Variants in PLB1 observed in about 807,000 individuals in gnomAD.
The protein encoded by PLB1 is phospholipase B1, membrane-associated.
A neutral mutation model predicts 227.4 loss-of-function variants in PLB1; 242 were observed. That is an observed-to-expected ratio of 1.06 (90% CI 0.96 to 1.18). The LOEUF (loss-of-function observed/expected upper bound fraction) is 1.18. Among genes scored for constraint, PLB1 ranks in the 50% most tolerant of loss-of-function variants. PLB1 has a pLI of 0.00. For missense variants in PLB1, 1,858 were observed against 1,816.3 expected, an observed-to-expected ratio of 1.02 and a Z score of -0.42; for synonymous variants, 757 against 682.2, an observed-to-expected ratio of 1.11 and a Z score of -1.71.
At chr2:28,537,173 C>T (rs767567514) in intron 9 of PLB1, among the ~76,000 whole-genome samples, 2 of 152,112 alleles carry the variant, frequency 1.3e-5, no homozygotes, top group Admixed American at 6.5e-5. Context: ...GGTGAAGGGG[C>T]AGAGAAACAG....
chr2:28,587,796 C>T (rs749665483), intron 26 of PLB1, among the ~76,000 whole-genome samples: 2 of 152,164 alleles, frequency 1.3e-5, no homozygotes, highest in Non-Finnish European at 2.9e-5. Context: ...GCTGCAAGAG[C>T]GGTTAGGAAA....
intron 49 of PLB1, among the ~76,000 whole-genome samples, chr2:28,622,810 C>G (rs1371507749): frequency 1.3e-5 from 2 of 152,180 alleles, no homozygotes; most frequent in Non-Finnish European, 2.9e-5. Context: ...CACTTGAACC[C>G]AGGAAGTGGA....
At chr2:28,577,444 A>G (rs555693240) in intron 21 of PLB1, among the ~76,000 whole-genome samples, 33 of 152,364 alleles carry the variant, frequency 2.2e-4, no homozygotes, top group African/African-American at 7.7e-4. Context: ...TGGTGCCATG[A>G]CATGTGCATG....
rs1672948481 is a variant in PLB1 at position 28,544,501 on chromosome 2, GCCCTTGTACCCTC to G, written c.936+1235_936+1247del. ...GTACCACCATACCACCTTGTACCCT[GCCCTTGTACCCTC>G]CATGGTTCCAAGGGGGATACAAGAG... is the stretch of plus-strand genomic sequence containing the variant. On this transcript the variant is annotated intron_variant, in intron 14 of 57. Transcript: ENST00000327757. 2.0e-5 allele frequency among the ~76,000 whole-genome samples: 3 copies of G among 152,174 alleles called. No homozygotes were observed. In the South Asian group the frequency reaches 6.2e-4, roughly 31 times the overall value.
At position 28,525,898 on chromosome 2, in the gene PLB1, C is replaced by T. The variant is rs951997838; in HGVS notation, c.285-7C>T. 2 of 1,613,886 alleles carry T rather than the reference C, an allele frequency of 1.2e-6. No homozygotes were observed. The highest frequency in any genetic ancestry group is 1.3e-5 in the African/African-American group (1 of 74,916). Reference sequence around the variant, plus strand: ...CCTGACACTCACATGCCTGCTTCTACCTGCAGGACTGAAAGGCCACAGCAG... The same window carrying T: ...CCTGACACTCACATGCCTGCTTCTATCTGCAGGACTGAAAGGCCACAGCAG... On this transcript the variant is annotated splice_region_variant and splice_polypyrimidine_tract_variant and intron_variant, in intron 5 of 57. Coordinates refer to ENST00000327757, the MANE Select transcript of PLB1 (RefSeq NM_153021.5).
chr2:28,586,802 C>T (rs1246133260), intron 26 of PLB1, among the ~76,000 whole-genome samples: 3 of 152,186 alleles, frequency 2.0e-5, no homozygotes, highest in African/African-American at 7.2e-5. Context: ...GGCTGGAGTG[C>T]AGTGGCACAA....
intron 4 of PLB1, among the ~76,000 whole-genome samples, chr2:28,520,646 C>T (rs1669406524): frequency 6.6e-6 from 1 of 152,074 alleles, no homozygotes; most frequent in Admixed American, 6.5e-5. Context: ...ATTCTACTTT[C>T]CCTCTCTGTT....
chr2:28,570,069 T>C (rs1445722116), intron 20 of PLB1, among the ~76,000 whole-genome samples: 1 of 152,116 alleles, frequency 6.6e-6, no homozygotes, highest in Non-Finnish European at 1.5e-5. Context: ...AAGCCCAGAC[T>C]GTCTCTGACT....
In PLB1 at chr2:28,540,591, A is replaced by G. The variant is rs957355193; in HGVS notation, c.774+150A>G. 9 of 665,144 alleles carry G rather than the reference A, an allele frequency of 1.4e-5. No individual in the cohort carries two copies. In the African/African-American group the frequency reaches 1.6e-4, roughly 12 times the overall value. 41.2% of individuals were successfully genotyped at this position (665,144 alleles called of 1,614,324 possible). A position where few individuals can be genotyped will look rare whatever the true frequency, so the allele number is the denominator to read the frequency against. On this transcript the variant is annotated intron_variant, in intron 12 of 57. Coordinates refer to ENST00000327757, the MANE Select transcript of PLB1 (RefSeq NM_153021.5). Reference sequence around the variant, plus strand: ...GACTAAGTCAGGAGCAAAGAGAGCTACTCTTGCTTCACATCGTGGTAGTGA... The same window carrying G: ...GACTAAGTCAGGAGCAAAGAGAGCTGCTCTTGCTTCACATCGTGGTAGTGA...
At chr2:28,583,721 A>C (rs1466840563) in intron 25 of PLB1, among the ~76,000 whole-genome samples, 1 of 152,182 alleles carries the variant, frequency 6.6e-6, no homozygotes, top group Non-Finnish European at 1.5e-5. Flanking sequence ...GGATGCTCCA[A>C]CAACAGGTTC....
chr2:28,633,025 C>G lies in PLB1; in HGVS notation c.4084C>G (p.Leu1362Val). The G allele has an allele frequency of 6.2e-7, 1 of 1,612,600 alleles. No homozygotes were observed. Residue 1362 changes from leucine (L) to valine (V), a missense_variant, in exon 56 of 58, where the codon CTC becomes GTC. Coordinates refer to ENST00000327757, the MANE Select transcript of PLB1 (RefSeq NM_153021.5). ...DRGHAEMAIA[L>V]WNNMLEPVGR... Reference sequence around the variant, plus strand: ...CGGGCATGCCGAGATGGCCATCGCACTCTGGAACAACATGGTGAGCAGCCA... The same window carrying G: ...CGGGCATGCCGAGATGGCCATCGCAGTCTGGAACAACATGGTGAGCAGCCA...
intron 26 of PLB1, among the ~76,000 whole-genome samples, chr2:28,587,593 C>G (rs1032259442): frequency 6.8e-6 from 1 of 148,124 alleles, no homozygotes; most frequent in Non-Finnish European, 1.5e-5. Context: ...CTGGGTGACA[C>G]AGTGAGACTG....
rs999285387 is a variant in PLB1 at position 28,563,657 on chromosome 2, G to A, written c.1206+558G>A. Reference sequence around the variant, plus strand: ...CAAACCCACTTCTGCATCTGCCCCCGGGTGACATCCCAGACCCTGCAAAGC... The same window carrying A: ...CAAACCCACTTCTGCATCTGCCCCCAGGTGACATCCCAGACCCTGCAAAGC... On this transcript the variant is annotated intron_variant, in intron 18 of 57. Coordinates refer to ENST00000327757, the MANE Select transcript of PLB1 (RefSeq NM_153021.5). Among the ~76,000 whole-genome samples, 6 of 152,190 alleles carry A rather than the reference G, an allele frequency of 3.9e-5. No individual in the cohort carries two copies. In the South Asian group the frequency reaches 8.3e-4, roughly 21 times the overall value.
chr2:28,589,641 T>C, intron 27 of PLB1, 34 bp from the exon 28 acceptor site: 1 of 1,609,610 alleles, frequency 6.2e-7, no homozygotes, highest in South Asian at 1.1e-5. Context: ...CCAGTGTGTC[T>C]ATAACTGCCT....
intron 37 of PLB1, among the ~76,000 whole-genome samples, chr2:28,601,562 C>T (rs1015991415): frequency 6.6e-6 from 1 of 152,102 alleles, no homozygotes; most frequent in Non-Finnish European, 1.5e-5. Flanking sequence ...GGTGAGGTAG[C>T]AGGTGGCAGA....
intron 44 of PLB1, among the ~76,000 whole-genome samples, chr2:28,615,767 C>T (rs112399865): frequency 6.6e-6 from 1 of 152,160 alleles, no homozygotes; most frequent in African/African-American, 2.4e-5. Context: ...AGTGGTGAGC[C>T]GAATGGGTCT....
intron 6 of PLB1, among the ~76,000 whole-genome samples, chr2:28,526,806 G>A (rs1670319328): frequency 6.6e-6 from 1 of 152,234 alleles, no homozygotes; most frequent in South Asian, 2.1e-4. Flanking sequence ...ATTGAAAGGA[G>A]GGGCCCATGA....
At chr2:28,591,067 C>G in intron 29 of PLB1, 66 bp from the exon 30 acceptor site, 1 of 1,596,262 alleles carries the variant, frequency 6.3e-7, no homozygotes, top group Non-Finnish European at 8.6e-7. Flanking sequence ...CGACACTTAA[C>G]TGAGTGCTGA....
chr2:28,508,169 G>C lies in PLB1; in HGVS notation c.56-8639G>C, dbSNP rs114112729. On this transcript the variant is annotated intron_variant, in intron 1 of 57. Coordinates refer to ENST00000327757, the MANE Select transcript of PLB1 (RefSeq NM_153021.5). Reference sequence around the variant, plus strand: ...GTCTCAGGGAAAGCGTACTTGACTAGGTTAAGGAGAATCCAGTTCTACACA... The same window carrying C: ...GTCTCAGGGAAAGCGTACTTGACTACGTTAAGGAGAATCCAGTTCTACACA... Among the ~76,000 whole-genome samples, 1,501 of 152,152 alleles carry C rather than the reference G, an allele frequency of 9.9e-3. 32 individuals are homozygous for C. Among genetic ancestry groups the C allele is most frequent in the African/African-American group, 0.034 (1,421 of 41,492 alleles).
Sources: gnomAD v4.1 joint callset for allele counts (sites outside exome capture counted in the v4.1 genomes callset) on GRCh38, gnomAD v4.1.1 for gene constraint, MANE v1.5 for transcripts, NCBI Gene and HGNC (gene_info 2026-07-23, HGNC 2026-07-21) for gene names.